PPM1B: variants seen among roughly 807,000 people sequenced by gnomAD.
PPM1B encodes the protein protein phosphatase, Mg2+/Mn2+ dependent 1B, also known as protein phosphatase 1B.
Under a neutral mutation model 43.0 loss-of-function variants are expected in PPM1B, and 22 were observed. The ratio of observed to expected loss-of-function variants is 0.51; its 90% CI spans 0.37 to 0.73. PPM1B has a LOEUF of 0.73. Among genes scored for constraint, PPM1B ranks in the 30% least tolerant of loss-of-function variants. The pLI is 0.00. For missense variants in PPM1B, 632 were observed against 584.2 expected (o/e 1.08, Z -0.84); for synonymous variants, 217 against 197.9 (o/e 1.10, Z -0.81).
At chr2:44,224,193 C>T (rs1289765813) in intron 5 of PPM1B, among the ~76,000 whole-genome samples, 5 of 152,020 alleles carry the variant, frequency 3.3e-5, no homozygotes, top group East Asian at 1.9e-4. Flanking sequence ...CAGTGGCTCA[C>T]GCCTGTAATC....
At chr2:44,226,735 CTTTT>C (rs60750702) in intron 5 of PPM1B, among the ~76,000 whole-genome samples, 12 of 66,686 alleles carry the variant, frequency 1.8e-4, no homozygotes, top group Non-Finnish European at 2.6e-4. Context: ...AGGTTTTTAT[CTTTT>C]TTTTTTTTTT....
chr2:44,230,426 C>T lies in PPM1B; in HGVS notation c.1148C>T (p.Ala383Val). 1 of 1,613,848 alleles carries T rather than the reference C, an allele frequency of 6.2e-7. No homozygotes were observed. The highest frequency in any genetic ancestry group is 1.7e-5 in the Admixed American group (1 of 60,002). ...HRESDGASDE[A>V]EESGSQGKLV... The stretch of plus-strand genomic sequence containing the variant: ...TCTTAAAAAAAGGCCTCCGATGAAG[C>T]AGAGGAAAGTGGATCACAGGGAAAA... Residue 383 changes from alanine to valine, a missense_variant, in exon 6 of 6, where the codon GCA (alanine) becomes GTA (valine). By Grantham distance (64) the Ala-to-Val change is moderately conservative. Transcript: ENST00000282412.
At chr2:44,239,890 G>GTTTTTTT (rs1197511482) in intron 5 of PPM1B, among the ~76,000 whole-genome samples, 8 of 85,876 alleles carry the variant, frequency 9.3e-5, no homozygotes, top group Non-Finnish European at 1.6e-4. Flanking sequence ...TTTTGTTTTT[G>GTTTTTTT]TTTTTGTTTT....
At chr2:44,200,148 T>C (rs574445821) in intron 1 of PPM1B, among the ~76,000 whole-genome samples, 1 of 152,356 alleles carries the variant, frequency 6.6e-6, no homozygotes, top group African/African-American at 2.4e-5. Flanking sequence ...TATTGTGTTT[T>C]AAGTGCTGTT....
chr2:44,194,614 T>G (rs1668569509), intron 1 of PPM1B, among the ~76,000 whole-genome samples: 1 of 151,918 alleles, frequency 6.6e-6, no homozygotes, highest in South Asian at 2.1e-4. Context: ...TCCCAGCTAC[T>G]TGGGAGGCTG....
chr2:44,234,173 C>G, downstream of PPM1B: 1 of 980,612 alleles, frequency 1.0e-6, no homozygotes, highest in Non-Finnish European at 1.2e-6. Flanking sequence ...CCAAACTGTA[C>G]AGGACAATAT....
At chr2:44,205,746 A>G (rs1006977933) in intron 2 of PPM1B, among the ~76,000 whole-genome samples, 3 of 152,092 alleles carry the variant, frequency 2.0e-5, no homozygotes, top group Admixed American at 2.0e-4. Flanking sequence ...TTGATTTTCC[A>G]AAATTTCATT....
intron 1 of PPM1B, among the ~76,000 whole-genome samples, chr2:44,195,051 C>T (rs1366920159): frequency 6.6e-6 from 1 of 151,594 alleles, no homozygotes; most frequent in Non-Finnish European, 1.5e-5. Flanking sequence ...GCCACCACAC[C>T]AGGGCTAATT....
chr2:44,204,974 T>A (rs1384477781), intron 2 of PPM1B, among the ~76,000 whole-genome samples: 2 of 152,104 alleles, frequency 1.3e-5, no homozygotes, highest in Non-Finnish European at 2.9e-5. Context: ...ATTAGGTATT[T>A]AACTCGAGGG....
chr2:44,176,101 A>G (rs1667570006), intron 1 of PPM1B, among the ~76,000 whole-genome samples: 1 of 152,036 alleles, frequency 6.6e-6, no homozygotes, highest in African/African-American at 2.4e-5. Context: ...AGATTAAAAG[A>G]TGACCCAAAG....
chr2:44,244,830 T>C (rs530309702), downstream of PPM1B, among the ~76,000 whole-genome samples: 11 of 147,134 alleles, frequency 7.5e-5, no homozygotes, highest in Admixed American at 4.1e-4. Context: ...GATATATATA[T>C]ATATATATAC....
At chr2:44,224,391 C>T (rs1183519061) in intron 5 of PPM1B, among the ~76,000 whole-genome samples, 1 of 143,128 alleles carries the variant, frequency 7.0e-6, no homozygotes, top group Non-Finnish European at 1.5e-5. Flanking sequence ...GGAGGCAGAG[C>T]TTTCAGTGAG....
At chr2:44,187,175 A>C (rs1668164749) in intron 1 of PPM1B, among the ~76,000 whole-genome samples, 1 of 152,202 alleles carries the variant, frequency 6.6e-6, no homozygotes, top group Non-Finnish European at 1.5e-5. Context: ...TGTAAGTGGA[A>C]TCATGTAGTA....
chr2:44,169,433 C>A (rs1667209101), intron 1 of PPM1B, among the ~76,000 whole-genome samples, 159 bp downstream of exon 1: 1 of 152,246 alleles, frequency 6.6e-6, no homozygotes, highest in Non-Finnish European at 1.5e-5. Flanking sequence ...GGAGCCTAGG[C>A]AGGGGAACGC....
chr2:44,244,769 T>C (rs1176711329), downstream of PPM1B, among the ~76,000 whole-genome samples: 11 of 150,638 alleles, frequency 7.3e-5, no homozygotes, highest in Non-Finnish European at 1.5e-5. Flanking sequence ...TTTTTTTTTT[T>C]TTACTTTAGT....
At chr2:44,219,057 T>C (rs1451152872) in intron 5 of PPM1B, 1 of 282,660 alleles carries the variant, frequency 3.5e-6, no homozygotes, top group East Asian at 1.2e-4. Context: ...ATTTCTGTTG[T>C]ACCTTGCTGT....
chr2:44,234,339 T>G, downstream of PPM1B: 2 of 597,664 alleles, frequency 3.3e-6, no homozygotes, highest in Non-Finnish European at 4.2e-6. Flanking sequence ...GCCAACACGG[T>G]GAAACCCTGC....
chr2:44,240,066 A>C (rs570735552), intron 5 of PPM1B, among the ~76,000 whole-genome samples: 1 of 146,196 alleles, frequency 6.8e-6, no homozygotes, highest in African/African-American at 2.4e-5. Context: ...GCTGGAGTGT[A>C]GTGGCACCAT....
At chr2:44,189,724 C>G (rs1452570763) in intron 1 of PPM1B, among the ~76,000 whole-genome samples, 1 of 152,198 alleles carries the variant, frequency 6.6e-6, no homozygotes, top group Non-Finnish European at 1.5e-5. Context: ...CTTGGCCTCC[C>G]AAAGTGCTGG....
Sources: gnomAD v4.1 joint callset for allele counts (sites outside exome capture counted in the v4.1 genomes callset) on GRCh38, gnomAD v4.1.1 for gene constraint, MANE v1.5 for transcripts, NCBI Gene and HGNC (gene_info 2026-07-23, HGNC 2026-07-21) for gene names.